Variants in HDAC9 observed in about 807,000 individuals in gnomAD.
The protein encoded by HDAC9 is MEF-2 interacting transcription repressor (MITR) protein.
In HDAC9, 41 loss-of-function variants were observed where a neutral mutation model predicts 139.4. The ratio of observed to expected loss-of-function variants is 0.29; its 90% confidence interval spans 0.23 to 0.38. The LOEUF is 0.38. Ranked by LOEUF, HDAC9 falls within the 10% of genes least tolerant of loss-of-function variation. HDAC9 has a pLI of 1.00. For missense variants in HDAC9, 1,147 were observed against 1,297.0 expected, an observed-to-expected ratio of 0.88 and a Z score of 1.78; for synonymous variants, 517 against 476.2, an observed-to-expected ratio of 1.09 and a Z score of -1.12.
intron 17 of HDAC9, among the ~76,000 whole-genome samples, chr7:18,816,513 A>G (rs777398348): frequency 2.4e-4 from 36 of 152,352 alleles, no homozygotes; most frequent in Non-Finnish European, 4.0e-4. Context: ...ACAGGATATT[A>G]ACTGTAGCTA....
At chr7:18,380,837 A>T (rs1250171117) in intron 1 of HDAC9, among the ~76,000 whole-genome samples, 1 of 152,080 alleles carries the variant, frequency 6.6e-6, no homozygotes, top group African/African-American at 2.4e-5. Context: ...TACCTCCAGC[A>T]CTCTGGAGCT....
intron 2 of HDAC9, among the ~76,000 whole-genome samples, chr7:18,568,696 A>G (rs531639388): frequency 6.6e-6 from 1 of 152,210 alleles, no homozygotes; most frequent in Admixed American, 6.5e-5. Flanking sequence ...TCATTCAACC[A>G]TTATAGCAGA....
rs930272310 is a variant in HDAC9 at position 18,496,023 on chromosome 7, G to T, written c.-42G>T. 1.1e-4 allele frequency: 162 copies of T among 1,430,960 alleles called. No homozygotes were observed. Among genetic ancestry groups the T allele is most frequent in the Non-Finnish European group, 1.4e-4 (156 of 1,097,158 alleles). The allele number at this position is 1,430,960 out of a possible 1,614,324, so 88.6% of individuals were successfully genotyped here. On this transcript the variant is annotated splice_region_variant and 5_prime_UTR_variant, in exon 1 of 26. Transcript: ENST00000686413. ...CTCTGTCCTTTCTGCTTTGCACACA[G>T]GTTGGTAACATGGGAAAAGTGTCCA... is the stretch of plus-strand genomic sequence containing the variant.
chr7:18,948,917 T>C, intron 23 of HDAC9: 1 of 324,402 alleles, frequency 3.1e-6, no homozygotes, highest in South Asian at 3.1e-5. Flanking sequence ...CTTGCTCCAC[T>C]GCCAGAGATC....
Position 18,975,891 on chromosome 7 carries a change from C to T in HDAC9, c.3108C>T (p.Thr1036=), listed in dbSNP as rs1290980114. Residue 1036 remains threonine, a synonymous_variant, in exon 25 of 26, where the codon ACC becomes ACT. Transcript: ENST00000686413. ...CTCAGTTGCAAGAGGAGACAGAGAC[C>T]GTTTCTGCCCTGGCCTCCCTAACAG... The part of the protein sequence containing the change: ...AGAQLQEETE[T]VSALASLTVD... 4.1e-5 allele frequency: 66 copies of T among 1,613,802 alleles called. No individual in the cohort carries two copies. The highest frequency in any genetic ancestry group is 5.0e-5 in the Admixed American group (3 of 59,970).
At chr7:18,705,778 G>GGT (rs960633495) in intron 12 of HDAC9, among the ~76,000 whole-genome samples, 75 of 150,562 alleles carry the variant, frequency 5.0e-4, no homozygotes, top group African/African-American at 1.8e-3. Flanking sequence ...GCTTGAACCT[G>GGT]GGAGGTGGAG....
intron 1 of HDAC9, among the ~76,000 whole-genome samples, chr7:18,096,646 A>G (rs1319012598): frequency 1.3e-5 from 2 of 152,180 alleles, no homozygotes; most frequent in African/African-American, 4.8e-5. Context: ...AGGTGAGACT[A>G]TATGCTTACT....
intron 1 of HDAC9, among the ~76,000 whole-genome samples, chr7:18,451,170 C>G (rs1488867203): frequency 6.6e-6 from 1 of 152,120 alleles, no homozygotes; most frequent in African/African-American, 2.4e-5. Context: ...CCCCTTTGCC[C>G]TTTCATCATG....
At chr7:18,675,455 A>G (rs1403872417) in intron 12 of HDAC9, among the ~76,000 whole-genome samples, 1 of 152,084 alleles carries the variant, frequency 6.6e-6, no homozygotes, top group Admixed American at 6.6e-5. Flanking sequence ...ATGTGTTAAC[A>G]TGTTTAAATA....
chr7:18,714,585 G>A (rs970494950), intron 12 of HDAC9, among the ~76,000 whole-genome samples: 3 of 152,204 alleles, frequency 2.0e-5, no homozygotes, highest in Non-Finnish European at 4.4e-5. Flanking sequence ...GCCCTGTCAC[G>A]AGAGTGACTT....
At chr7:18,545,882 G>C (rs1439494146) in intron 2 of HDAC9, among the ~76,000 whole-genome samples, 1 of 152,152 alleles carries the variant, frequency 6.6e-6, no homozygotes, top group African/African-American at 2.4e-5. Flanking sequence ...GATAAAATAA[G>C]AGAGGGGAAA....
At chr7:18,798,327 A>G (rs1246956694) in intron 17 of HDAC9, among the ~76,000 whole-genome samples, 4 of 152,188 alleles carry the variant, frequency 2.6e-5, no homozygotes, top group African/African-American at 4.8e-5. Context: ...TCAGGATGAA[A>G]TTTTTCAAAA....
At chr7:18,512,221 T>C (rs991476073) in intron 2 of HDAC9, among the ~76,000 whole-genome samples, 1 of 152,166 alleles carries the variant, frequency 6.6e-6, no homozygotes, top group Non-Finnish European at 1.5e-5. Flanking sequence ...AGGAATTGTC[T>C]TTGGATGTCC....
intron 1 of HDAC9, among the ~76,000 whole-genome samples, chr7:18,374,848 A>G (rs1784868567): frequency 6.6e-6 from 1 of 152,168 alleles, no homozygotes; most frequent in Admixed American, 6.5e-5. Context: ...CCATAAGATT[A>G]TAATGGAGCT....
intron 14 of HDAC9, among the ~76,000 whole-genome samples, chr7:18,759,960 C>T (rs1391660962): frequency 1.3e-5 from 2 of 151,926 alleles, no homozygotes; most frequent in East Asian, 1.9e-4. Flanking sequence ...ATAGATGAAA[C>T]GAATCTTTAT....
At chr7:18,601,906 G>C (rs887252799) in intron 6 of HDAC9, among the ~76,000 whole-genome samples, 4 of 152,150 alleles carry the variant, frequency 2.6e-5, no homozygotes, top group African/African-American at 9.7e-5. Context: ...ATATTCAGGA[G>C]AGATAATTGA....
chr7:18,631,005 G>A (rs752181176), intron 7 of HDAC9, among the ~76,000 whole-genome samples: 1 of 152,054 alleles, frequency 6.6e-6, no homozygotes, highest in South Asian at 2.1e-4. Context: ...TAGTCTTAAT[G>A]TCTGAAGTCA....
chr7:18,633,790 C>G (rs948557779), intron 7 of HDAC9, among the ~76,000 whole-genome samples: 5 of 151,936 alleles, frequency 3.3e-5, no homozygotes, highest in African/African-American at 7.3e-5. Flanking sequence ...GATGACTTCT[C>G]TAGCTATATT....
chr7:18,716,049 C>G (rs180822158), intron 12 of HDAC9, among the ~76,000 whole-genome samples: 15 of 152,312 alleles, frequency 9.8e-5, no homozygotes, highest in Admixed American at 2.0e-4. Flanking sequence ...TATCCAGACT[C>G]TAATTATCAA....
Sources: gnomAD v4.1 joint callset for allele counts (sites outside exome capture counted in the v4.1 genomes callset) on GRCh38, gnomAD v4.1.1 for gene constraint, MANE v1.5 for transcripts, NCBI Gene and HGNC (gene_info 2026-07-23, HGNC 2026-07-21) for gene names.